The following NSMCE2 variants were observed in gnomAD, a reference collection of about 807,000 sequenced individuals.
NSMCE2 encodes NSE2 SUMO ligase component of SMC5/6 complex, also known as E3 SUMO-protein ligase NSE2.
NSMCE2 carries 24 observed loss-of-function variants against 23.8 expected under a neutral mutation model. The observed-to-expected ratio is 1.01, with a 90% confidence interval of 0.73 to 1.42. NSMCE2 has a LOEUF of 1.42. Ranked by LOEUF, NSMCE2 falls within the 40% of genes most tolerant of loss-of-function variation. NSMCE2 has a pLI of 0.00. For missense variants in NSMCE2, 284 were observed against 296.5 expected, an observed-to-expected ratio of 0.96 and a Z score of 0.31; for synonymous variants, 92 against 94.1, an observed-to-expected ratio of 0.98 and a Z score of 0.13.
chr8:125,234,585 A>T (rs932082143), intron 5 of NSMCE2, among the ~76,000 whole-genome samples: 25 of 147,710 alleles, frequency 1.7e-4, no homozygotes, highest in Admixed American at 7.9e-4. Flanking sequence ...GGATTTTCAC[A>T]TGTTTTGTCT....
intron 5 of NSMCE2, among the ~76,000 whole-genome samples, chr8:125,300,963 A>G (rs1279847542): frequency 1.3e-5 from 2 of 152,212 alleles, no homozygotes; most frequent in Non-Finnish European, 2.9e-5. Context: ...TCAGTTCCAA[A>G]TAGTGTCCTG....
intron 5 of NSMCE2, among the ~76,000 whole-genome samples, chr8:125,280,662 C>G (rs1827653943): frequency 6.6e-6 from 1 of 152,172 alleles, no homozygotes; most frequent in South Asian, 2.1e-4. Context: ...AAAAGTGATA[C>G]TGATTCTAGC....
At chr8:125,190,355 T>G (rs1823292551) in intron 5 of NSMCE2, among the ~76,000 whole-genome samples, 2 of 152,064 alleles carry the variant, frequency 1.3e-5, no homozygotes, top group Non-Finnish European at 1.5e-5. Flanking sequence ...CTCAGAGAGA[T>G]CAAGTGACAT....
intron 4 of NSMCE2, among the ~76,000 whole-genome samples, chr8:125,152,332 A>G (rs1483628931): frequency 6.6e-6 from 1 of 152,194 alleles, no homozygotes; most frequent in African/African-American, 2.4e-5. Flanking sequence ...GATGGCACTT[A>G]GACTAGAGGC....
intron 5 of NSMCE2, among the ~76,000 whole-genome samples, chr8:125,234,012 T>TAA (rs34763403): frequency 0.034 from 3,485 of 102,106 alleles, 192 homozygotes; most frequent in African/African-American, 0.12. Flanking sequence ...CTGTCTCTAC[T>TAA]AAAAAAAAAA....
At chr8:125,351,048 G>A (rs1813010527) in intron 5 of NSMCE2, among the ~76,000 whole-genome samples, 1 of 152,108 alleles carries the variant, frequency 6.6e-6, no homozygotes, top group Non-Finnish European at 1.5e-5. Context: ...GAACCTACTA[G>A]TGGATTGGAT....
At chr8:125,093,199 G>A (rs1817760069) in intron 1 of NSMCE2, among the ~76,000 whole-genome samples, 1 of 152,176 alleles carries the variant, frequency 6.6e-6, no homozygotes, top group African/African-American at 2.4e-5. Context: ...GTCCTCACAT[G>A]GTGGAATGGC....
chr8:125,322,194 G>T (rs1017067011), intron 5 of NSMCE2, among the ~76,000 whole-genome samples: 1 of 151,888 alleles, frequency 6.6e-6, no homozygotes, highest in Non-Finnish European at 1.5e-5. Context: ...TAGCAAGACC[G>T]TGTCTCTACA....
intron 5 of NSMCE2, among the ~76,000 whole-genome samples, chr8:125,211,131 T>C (rs1824320799): frequency 6.6e-6 from 1 of 152,210 alleles, no homozygotes; most frequent in African/African-American, 2.4e-5. Context: ...ATTTTATATG[T>C]GTATGTATAA....
intron 5 of NSMCE2, among the ~76,000 whole-genome samples, chr8:125,288,440 A>G (rs1320258254): frequency 6.6e-6 from 1 of 152,134 alleles, no homozygotes; most frequent in African/African-American, 2.4e-5. Flanking sequence ...CAGCAATCAC[A>G]TTTCAATTAT....
chr8:125,297,108 A>G (rs1828360991), intron 5 of NSMCE2, among the ~76,000 whole-genome samples: 2 of 152,190 alleles, frequency 1.3e-5, no homozygotes, highest in South Asian at 2.1e-4. Flanking sequence ...AAATCAATGA[A>G]TTCGTAACAT....
At chr8:125,142,260 T>G (rs913308500) in intron 3 of NSMCE2, among the ~76,000 whole-genome samples, 8 of 152,182 alleles carry the variant, frequency 5.3e-5, no homozygotes, top group African/African-American at 1.9e-4. Flanking sequence ...GTAGTTACTG[T>G]TATTGTACCC....
At chr8:125,246,345 G>A (rs898528850) in intron 5 of NSMCE2, among the ~76,000 whole-genome samples, 2 of 151,576 alleles carry the variant, frequency 1.3e-5, no homozygotes, top group African/African-American at 2.4e-5. Context: ...CACCATGCCC[G>A]ACTAATTTTT....
rs189281820 is a variant in NSMCE2 at position 125,122,386 on chromosome 8, A to G, written c.157+19899A>G. On this transcript the variant is annotated intron_variant, in intron 3 of 7. Transcript: ENST00000287437. The stretch of plus-strand genomic sequence containing the variant: ...ATTTGCTTCCCGAAAAATGGTAGTT[A>G]TTACCTTCTACAACTATTTTAAACC... 5.1e-4 allele frequency among the ~76,000 whole-genome samples: 77 copies of G among 152,240 alleles called. 1 individual carries two copies. The South Asian group carries it at 9.3e-3, about 18-fold the overall frequency.
chr8:125,184,020 G>GA (rs567959585), intron 5 of NSMCE2, among the ~76,000 whole-genome samples: 19 of 146,062 alleles, frequency 1.3e-4, no homozygotes, highest in East Asian at 2.0e-4. Context: ...TTTCAATCTT[G>GA]AAAAAAAAAA....
At chr8:125,149,132 A>G (rs1820846015) in intron 3 of NSMCE2, among the ~76,000 whole-genome samples, 1 of 152,152 alleles carries the variant, frequency 6.6e-6, no homozygotes, top group Non-Finnish European at 1.5e-5. Context: ...TTAAACATAT[A>G]TTTAATTTGG....
intron 4 of NSMCE2, among the ~76,000 whole-genome samples, chr8:125,170,376 C>CTTTTTTTTTTTTTTTTTTTTTTTTTT (rs565593006): frequency 2.6e-5 from 1 of 37,836 alleles, no homozygotes; most frequent in Non-Finnish European, 5.2e-5. Flanking sequence ...CTCTTTATTT[C>CTTTTTTTTTTTTTTTTTTTTTTTTTT]TTTTTTTTTT....
chr8:125,296,095 T>C (rs1258002523), intron 5 of NSMCE2, among the ~76,000 whole-genome samples: 1 of 152,222 alleles, frequency 6.6e-6, no homozygotes, highest in Non-Finnish European at 1.5e-5. Flanking sequence ...AAACATTTAC[T>C]ACACGCTAGG....
chr8:125,263,650 T>C (rs1826792665), intron 5 of NSMCE2, among the ~76,000 whole-genome samples: 1 of 151,726 alleles, frequency 6.6e-6, no homozygotes, highest in South Asian at 2.1e-4. Context: ...CTCTGGAGGT[T>C]GAGGCAGGAC....
Sources: gnomAD v4.1 joint callset for allele counts (sites outside exome capture counted in the v4.1 genomes callset) on GRCh38, gnomAD v4.1.1 for gene constraint, MANE v1.5 for transcripts, NCBI Gene and HGNC (gene_info 2026-07-23, HGNC 2026-07-21) for gene names.